GOLGA6L7: variants seen among roughly 807,000 people sequenced by gnomAD.
The protein encoded by GOLGA6L7 is golgin A6 family like 7, also known as golgin subfamily A member 6-like protein 7.
GOLGA6L7 carries 29 observed loss-of-function variants against 68.9 expected under a neutral mutation model. The ratio of observed to expected loss-of-function variants is 0.42; its 90% CI spans 0.31 to 0.57. The LOEUF (loss-of-function observed/expected upper bound fraction) is 0.57. Among genes scored for constraint, GOLGA6L7 ranks in the 20% least tolerant of loss-of-function variants. The probability of loss-of-function intolerance (pLI) is 0.13; values close to 1 mark genes in which losing one functional copy is unlikely to be tolerated. For missense variants in GOLGA6L7, 396 were observed against 588.4 expected, an observed-to-expected ratio of 0.67 and a Z score of 3.38; for synonymous variants, 133 against 197.4, an observed-to-expected ratio of 0.67 and a Z score of 2.73.
intron 6 of GOLGA6L7, chr15:28,845,241 C>T: frequency 1.1e-5 from 6 of 546,996 alleles, no homozygotes; most frequent in Non-Finnish European, 2.0e-5. Context: ...GTACAAGTAC[C>T]CTCAACTCCG....
Position 28,842,429 on chromosome 15 carries a change from T to C in GOLGA6L7, c.1675A>G (p.Met559Val). 3.4e-6 allele frequency: 4 copies of C among 1,163,974 alleles called. No individual in the cohort carries two copies. Among genetic ancestry groups the C allele is most frequent in the Non-Finnish European group, 4.3e-6 (4 of 919,616 alleles). 72.1% of individuals were successfully genotyped at this position (1,163,974 alleles called of 1,614,324 possible). ...GGCTCCAGGCTGCCAGGGTGGCTCATATCAGAAGGATATTTGGAGGGAGGG... is the reference window on the plus strand; with the variant it reads ...GGCTCCAGGCTGCCAGGGTGGCTCACATCAGAAGGATATTTGGAGGGAGGG... ...CLPPSKYPSDMSHPGSLEPAR... is the reference protein window; with the variant it reads ...CLPPSKYPSDVSHPGSLEPAR... Residue 559 changes from methionine (M) to valine (V), a missense_variant, in exon 9 of 9, where the codon ATG becomes GTG. By Grantham distance (21) the Met-to-Val change is conservative. Transcript: ENST00000567390.
rs1179031195 is a variant in GOLGA6L7, at chr15:28,846,880, G to A, written c.180+184C>T. The A allele has an allele frequency of 2.1e-5, 11 of 528,012 alleles. 1 individual carries two copies. In the African/African-American group the frequency reaches 2.3e-4, roughly 11 times the overall value. The allele number at this position is 528,012 out of a possible 1,614,324, so 32.7% of individuals were successfully genotyped here. A position where few individuals can be genotyped will look rare whatever the true frequency, so the allele number is the denominator to read the frequency against. On this transcript the variant is annotated intron_variant, in intron 2 of 8. Coordinates refer to ENST00000567390, the MANE Select transcript of GOLGA6L7 (RefSeq NM_001365371.2). ...TCCCCATTTTACAGATGTGAAAAGA[G>A]AGGCCCAAAGAGCTCGAGCAATTTT...
rs1302672174 is a variant in GOLGA6L7, at chr15:28,843,185, G to T, written c.919C>A (p.Arg307=). 3 of 420,722 alleles carry T rather than the reference G, an allele frequency of 7.1e-6. No homozygotes were observed. Among genetic ancestry groups the T allele is most frequent in the Non-Finnish European group, 1.2e-5 (3 of 248,010 alleles). The allele number at this position is 420,722 out of a possible 1,614,324, so 26.1% of individuals were successfully genotyped here. ...EQMRKQEEQM[R]KQEEQMRKQE... Reference sequence around the variant, plus strand: ...TTCCGCATCTGCTCCTCCTGCTTCCGCATCTGCTCCTCCTGCTTCCGCATC... The same window carrying T: ...TTCCGCATCTGCTCCTCCTGCTTCCTCATCTGCTCCTCCTGCTTCCGCATC... The change falls in exon 9 of 9, where the codon CGG becomes AGG. Residue 307 remains arginine (R), a synonymous_variant. Transcript: ENST00000567390.
chr15:28,842,816 G>A lies in GOLGA6L7; in HGVS notation c.1288C>T (p.Arg430Trp), dbSNP rs544309443. The change falls in exon 9 of 9, where the codon CGG (arginine) becomes TGG (tryptophan). Residue 430 changes from arginine to tryptophan, a missense_variant. Physicochemically the swap from Arg to Trp is moderately radical, Grantham distance 101. This residue lies in a region of GOLGA6L7 where 114 missense variants were observed against 186.0 expected (regional missense o/e 0.61). Transcript: ENST00000567390. Reference sequence around the variant, plus strand: ...TCCCCCATCTGCTCCTCCTGCTTCCGGATCTGCTCCTCCTGCTCCCCCATC... The same window carrying A: ...TCCCCCATCTGCTCCTCCTGCTTCCAGATCTGCTCCTCCTGCTCCCCCATC... ...EQMGEQEEQI[R>W]KQEEQMGEQE... 1,385 of 1,105,184 alleles carry A rather than the reference G, an allele frequency of 1.3e-3. 20 individuals are homozygous for A. Among genetic ancestry groups the A allele is most frequent in the Admixed American group, 4.3e-3 (58 of 13,464 alleles). The allele number at this position is 1,105,184 out of a possible 1,614,324, so 68.5% of individuals were successfully genotyped here. A position where few individuals can be genotyped will look rare whatever the true frequency, so the allele number is the denominator to read the frequency against.
At chr15:28,846,000 T>C in intron 3 of GOLGA6L7, 50 bp from the exon 4 acceptor site, 1 of 974,604 alleles carries the variant, frequency 1.0e-6, no homozygotes, top group Non-Finnish European at 1.6e-6. Context: ...GAGGCAGAGA[T>C]GGCACAGCAA....
rs200514876 is a variant in GOLGA6L7 at position 28,841,949 on chromosome 15, A to AT, written c.*285dup. 4,372 of 172,724 alleles carry AT rather than the reference A, an allele frequency of 0.025. 82 individuals carry two copies. Among genetic ancestry groups the AT allele is most frequent in the Admixed American group, 0.085 (1,263 of 14,884 alleles). The allele number at this position is 172,724 out of a possible 1,614,324, so 10.7% of individuals were successfully genotyped here. On this transcript the variant is annotated 3_prime_UTR_variant, in exon 9 of 9. Transcript: ENST00000567390. ...ATAGATATTAGAGTCCTCAGGTAGAATTTTTTTTTTTTTTTTTGAAATGGG... is the reference window on the plus strand; with the variant it reads ...ATAGATATTAGAGTCCTCAGGTAGAATTTTTTTTTTTTTTTTTTGAAATGGG...
Position 28,846,055 on chromosome 15 carries a change from C to T in GOLGA6L7, c.211-105G>A, listed in dbSNP as rs2030415462. 4.9e-6 allele frequency: 4 copies of T among 813,734 alleles called. No homozygotes were observed. In the South Asian group the frequency reaches 5.7e-5, roughly 12 times the overall value. The allele number at this position is 813,734 out of a possible 1,614,324, so 50.4% of individuals were successfully genotyped here. A position where few individuals can be genotyped will look rare whatever the true frequency, so the allele number is the denominator to read the frequency against. ...GCCCCACTGTCCCAGGACAGGCCCA[C>T]CCATGGGACCAGGTTATCAGGGACC... On this transcript the variant is annotated intron_variant, in intron 3 of 8. Coordinates refer to ENST00000567390, the MANE Select transcript of GOLGA6L7 (RefSeq NM_001365371.2).
At chr15:28,848,343 G>C (rs1019086103) in intron 1 of GOLGA6L7, among the ~76,000 whole-genome samples, 156 bp downstream of exon 1, 1 of 151,438 alleles carries the variant, frequency 6.6e-6, no homozygotes, top group Non-Finnish European at 1.5e-5. Context: ...AGGGGTTGGG[G>C]CTGACACAAG....
rs1436849619 is a variant in GOLGA6L7 at position 28,846,204 on chromosome 15, A to G, written c.210+16T>C. The G allele has an allele frequency of 4.0e-6, 3 of 753,334 alleles. No homozygotes were observed. Among genetic ancestry groups the G allele is most frequent in the South Asian group, 1.4e-5 (1 of 70,980 alleles). 46.7% of individuals were successfully genotyped at this position (753,334 alleles called of 1,614,324 possible). A position where few individuals can be genotyped will look rare whatever the true frequency, so the allele number is the denominator to read the frequency against. On this transcript the variant is annotated intron_variant, in intron 3 of 8. Transcript: ENST00000567390. ...CCCAGCGGTCATGTCGTGAGCAAAG[A>G]AAGAAACCATGTTACCTCTTTCAGC... is the stretch of plus-strand genomic sequence containing the variant.
intron 8 of GOLGA6L7, 34 bp downstream of exon 8, chr15:28,843,700 C>G: frequency 1.6e-6 from 1 of 629,114 alleles, no homozygotes; most frequent in Non-Finnish European, 2.8e-6. Context: ...CAGCCGGATG[C>G]GGCTCCCACA....
At chr15:28,846,060 G>T in intron 3 of GOLGA6L7, 110 bp from the exon 4 acceptor site, 1 of 802,438 alleles carries the variant, frequency 1.2e-6, no homozygotes, top group Non-Finnish European at 2.1e-6. Flanking sequence ...GCCCACCCAT[G>T]GGACCAGGTT....
At position 28,843,103 on chromosome 15, in the gene GOLGA6L7, A is replaced by G. The variant is rs1290894390; in HGVS notation, c.1001T>C (p.Met334Thr). 1.7e-6 allele frequency: 2 copies of G among 1,172,958 alleles called. No homozygotes were observed. The highest frequency in any genetic ancestry group is 1.0e-4 in the Admixed American group (2 of 19,582). The allele number at this position is 1,172,958 out of a possible 1,614,324, so 72.7% of individuals were successfully genotyped here. A position where few individuals can be genotyped will look rare whatever the true frequency, so the allele number is the denominator to read the frequency against. The stretch of plus-strand genomic sequence containing the variant: ...CCGCATCTGCTCCTCCTGCTCCCCC[A>G]TCTGCTCCTCCTGCTTCCCCATCTG... ...EEQMGKQEEQMGEQEEQMRKQ... is the reference protein window; with the variant it reads ...EEQMGKQEEQTGEQEEQMRKQ... The change falls in exon 9 of 9, where the codon ATG becomes ACG. Residue 334 changes from methionine to threonine, a missense_variant. This residue lies in a region of GOLGA6L7 where 114 missense variants were observed against 186.0 expected (regional missense o/e 0.61). Transcript: ENST00000567390.
Position 28,842,391 on chromosome 15 carries a change from G to A in GOLGA6L7, c.1713C>T (p.Ala571=), listed in dbSNP as rs1013137734. 2.8e-5 allele frequency: 34 copies of A among 1,221,154 alleles called. No homozygotes were observed. Among genetic ancestry groups the A allele is most frequent in the South Asian group, 7.9e-5 (2 of 25,166 alleles). The allele number at this position is 1,221,154 out of a possible 1,614,324, so 75.6% of individuals were successfully genotyped here. The part of the protein sequence containing the change: ...HPGSLEPARE[A]GKGYSHDNRT... ...GGTTGTCATGGGAATAACCCTTCCC[G>A]GCCTCTCGTGCAGGCTCCAGGCTGC... Residue 571 remains alanine (A), a synonymous_variant, in exon 9 of 9, where the codon GCC becomes GCT. Transcript: ENST00000567390.
rs1049941883 is a variant in GOLGA6L7, at chr15:28,847,308, G to A, written c.52-116C>T. On this transcript the variant is annotated intron_variant, in intron 1 of 8. Coordinates refer to ENST00000567390, the MANE Select transcript of GOLGA6L7 (RefSeq NM_001365371.2). Reference sequence around the variant, plus strand: ...GACTTAATGCCACCAACGACTGTACGAGGTGTTGTCGCAATCACTTAGTGA... The same window carrying A: ...GACTTAATGCCACCAACGACTGTACAAGGTGTTGTCGCAATCACTTAGTGA... 4.8e-5 allele frequency: 28 copies of A among 586,384 alleles called. 1 individual carries two copies. Among genetic ancestry groups the A allele is most frequent in the African/African-American group, 4.5e-4 (19 of 42,404 alleles). 36.3% of individuals were successfully genotyped at this position (586,384 alleles called of 1,614,324 possible).
chr15:28,843,694 C>T (rs1246200666), intron 8 of GOLGA6L7, 40 bp downstream of exon 8: 22 of 628,072 alleles, frequency 3.5e-5, no homozygotes, highest in South Asian at 1.7e-4. Context: ...ATGTCCCAGC[C>T]GGATGCGGCT....
chr15:28,844,129 C>T, intron 7 of GOLGA6L7, 76 bp downstream of exon 7: 3 of 515,898 alleles, frequency 5.8e-6, no homozygotes, highest in Non-Finnish European at 1.0e-5. Context: ...CCATGCTCAC[C>T]TGTACCCCCC....
chr15:28,846,313 A>C, intron 2 of GOLGA6L7, 64 bp from the exon 3 acceptor site: 1 of 748,732 alleles, frequency 1.3e-6, no homozygotes, highest in Non-Finnish European at 2.4e-6. Flanking sequence ...CCAGGCCAGG[A>C]AGCGGTAGGC....
chr15:28,842,394 C>G lies in GOLGA6L7; in HGVS notation c.1710G>C (p.Glu570Asp). 8.2e-7 allele frequency: 1 copy of G among 1,219,790 alleles called. No individual in the cohort carries two copies. Among genetic ancestry groups the G allele is most frequent in the Non-Finnish European group, 1.0e-6 (1 of 972,598 alleles). 75.6% of individuals were successfully genotyped at this position (1,219,790 alleles called of 1,614,324 possible). A position where few individuals can be genotyped will look rare whatever the true frequency, so the allele number is the denominator to read the frequency against. Reference sequence around the variant, plus strand: ...TGTCATGGGAATAACCCTTCCCGGCCTCTCGTGCAGGCTCCAGGCTGCCAG... The same window carrying G: ...TGTCATGGGAATAACCCTTCCCGGCGTCTCGTGCAGGCTCCAGGCTGCCAG... ...SHPGSLEPAREAGKGYSHDNR... is the reference protein window; with the variant it reads ...SHPGSLEPARDAGKGYSHDNR... The change falls in exon 9 of 9, where the codon GAG becomes GAC. Residue 570 changes from glutamate to aspartate, a missense_variant. Glu to Asp is a conservative substitution (Grantham distance 45). Transcript: ENST00000567390.
Position 28,842,648 on chromosome 15 carries a change from C to T in GOLGA6L7, c.1456G>A (p.Gly486Arg), listed in dbSNP as rs1440206881. 2.4e-6 allele frequency: 3 copies of T among 1,276,306 alleles called. No homozygotes were observed. The highest frequency in any genetic ancestry group is 3.0e-5 in the South Asian group (1 of 33,398). The allele number at this position is 1,276,306 out of a possible 1,614,324, so 79.1% of individuals were successfully genotyped here. A position where few individuals can be genotyped will look rare whatever the true frequency, so the allele number is the denominator to read the frequency against. ...TTCCGCATCTGCTCCTCCTGCTCCCCCATCTGCTCCTCCTGCTCCCCCATC... is the reference window on the plus strand; with the variant it reads ...TTCCGCATCTGCTCCTCCTGCTCCCTCATCTGCTCCTCCTGCTCCCCCATC... The part of the protein sequence containing the change: ...EQMGEQEEQM[G>R]EQEEQMRKQV... Residue 486 changes from glycine (G) to arginine (R), a missense_variant, in exon 9 of 9, where the codon GGG (glycine) becomes AGG (arginine). Physicochemically the swap from Gly to Arg is moderately radical, Grantham distance 125. This residue lies in a region of GOLGA6L7 where 125 missense variants were observed against 163.3 expected (regional missense o/e 0.77). Transcript: ENST00000567390.
Sources: allele counts gnomAD v4.1 joint callset (sites outside exome capture counted in the v4.1 genomes callset), GRCh38; gene constraint gnomAD v4.1.1; regional missense constraint gnomAD v4.1.1; transcripts MANE v1.5; gene names NCBI Gene and HGNC (gene_info 2026-07-23, HGNC 2026-07-21).